Variants in SRFBP1 observed in about 807,000 individuals in gnomAD.
SRFBP1 encodes the protein serum response factor-binding protein 1.
Under a neutral mutation model 45.5 loss-of-function variants are expected in SRFBP1, and 47 were observed. That is an observed-to-expected ratio of 1.03 (90% CI 0.82 to 1.32). The LOEUF is 1.32. Ranked by LOEUF, SRFBP1 falls within the 40% of genes most tolerant of loss-of-function variation. The pLI is 0.00. For synonymous variants in SRFBP1, 203 were observed against 166.3 expected, an observed-to-expected ratio of 1.22 and a Z score of -1.70; for missense variants, 621 against 484.6, an observed-to-expected ratio of 1.28 and a Z score of -2.64.
chr5:122,005,189 T>C (rs1461759078), intron 4 of SRFBP1, among the ~76,000 whole-genome samples: 3 of 152,188 alleles, frequency 2.0e-5, no homozygotes, highest in Non-Finnish European at 1.5e-5. Context: ...ATTAACCTGA[T>C]GTTTCCTTAT....
chr5:122,021,743 C>T (rs1753327318), intron 6 of SRFBP1, among the ~76,000 whole-genome samples: 1 of 122,292 alleles, frequency 8.2e-6, no homozygotes, highest in Non-Finnish European at 1.6e-5. Flanking sequence ...GTGGTGTGAT[C>T]TTGGCTCACT....
intron 4 of SRFBP1, among the ~76,000 whole-genome samples, chr5:122,005,985 T>G (rs979512137): frequency 6.6e-6 from 1 of 152,200 alleles, no homozygotes; most frequent in Non-Finnish European, 1.5e-5. Flanking sequence ...CTATGTACTT[T>G]TAGCAGTGAG....
At chr5:121,970,534 G>A (rs1752166331) in intron 1 of SRFBP1, among the ~76,000 whole-genome samples, 1 of 151,546 alleles carries the variant, frequency 6.6e-6, no homozygotes, top group Non-Finnish European at 1.5e-5. Flanking sequence ...ATGCAACGTG[G>A]CCGTTCTTTT....
At chr5:121,979,625 G>A (rs1249489451) in intron 3 of SRFBP1, among the ~76,000 whole-genome samples, 1 of 152,122 alleles carries the variant, frequency 6.6e-6, no homozygotes, top group Non-Finnish European at 1.5e-5. Context: ...ACGTGTTAGA[G>A]ATCTCACCTA....
At chr5:122,058,254 G>A (rs1339928676) in intron 2 of SRFBP1, among the ~76,000 whole-genome samples, 1 of 152,078 alleles carries the variant, frequency 6.6e-6, no homozygotes, top group East Asian at 1.9e-4. Context: ...TTCTTCACAT[G>A]AGCACCATGT....
At chr5:121,991,165 A>C (rs1302901182) in intron 3 of SRFBP1, among the ~76,000 whole-genome samples, 2 of 152,096 alleles carry the variant, frequency 1.3e-5, no homozygotes, top group African/African-American at 4.8e-5. Flanking sequence ...TGTCTCCTCC[A>C]GTTTTAATTA....
chr5:122,038,484 T>G (rs749742611), intron 2 of SRFBP1, among the ~76,000 whole-genome samples: 2 of 152,194 alleles, frequency 1.3e-5, no homozygotes, highest in Non-Finnish European at 2.9e-5. Context: ...AGTGTTGGGC[T>G]GTGGGAATCA....
At chr5:122,003,722 G>A (rs1031938189) in intron 4 of SRFBP1, among the ~76,000 whole-genome samples, 1 of 152,060 alleles carries the variant, frequency 6.6e-6, no homozygotes, top group African/African-American at 2.4e-5. Context: ...TCCATCACTT[G>A]TTATCTTTAG....
chr5:122,050,857 A>G lies in SRFBP1; in HGVS notation n.312-24458A>G, dbSNP rs376892054. Among the ~76,000 whole-genome samples, 99 of 152,022 alleles carry G rather than the reference A, an allele frequency of 6.5e-4. 3 individuals are homozygous for G. In the South Asian group the frequency reaches 0.017, roughly 26 times the overall value. ...GTTGTAATGTTAGGTTGTTAATTTG[A>G]GATCTTTCTTACTTTTTAATGTGGG... On this transcript the variant is annotated intron_variant and non_coding_transcript_variant, in intron 2 of 2. Transcript: ENST00000504881.
intron 1 of SRFBP1, among the ~76,000 whole-genome samples, chr5:121,971,718 A>C (rs769938403): frequency 6.6e-5 from 10 of 152,042 alleles, no homozygotes; most frequent in Non-Finnish European, 1.5e-4. Flanking sequence ...TCAACTCTTA[A>C]CATTTTATGA....
intron 4 of SRFBP1, among the ~76,000 whole-genome samples, chr5:122,013,537 G>A (rs1428863699): frequency 1.3e-5 from 2 of 152,014 alleles, no homozygotes; most frequent in South Asian, 2.1e-4. Context: ...TTGCAAATAC[G>A]TGTGAAAGGA....
intron 3 of SRFBP1, among the ~76,000 whole-genome samples, chr5:121,981,990 G>A (rs983128074): frequency 2.6e-5 from 4 of 151,560 alleles, no homozygotes; most frequent in Non-Finnish European, 5.9e-5. Flanking sequence ...ATGTTGGCAC[G>A]TTTACAGTGT....
intron 3 of SRFBP1, among the ~76,000 whole-genome samples, chr5:121,990,582 G>GA (rs997965835): frequency 2.0e-5 from 3 of 151,842 alleles, no homozygotes; most frequent in African/African-American, 4.8e-5. Flanking sequence ...TAAAAGTTGG[G>GA]AAAAAAAGGA....
intron 2 of SRFBP1, among the ~76,000 whole-genome samples, chr5:122,062,272 A>C (rs1303936139): frequency 2.0e-5 from 3 of 151,960 alleles, no homozygotes; most frequent in Non-Finnish European, 2.9e-5. Flanking sequence ...TTGCTCTCCA[A>C]ATTAAAAAGG....
intron 4 of SRFBP1, among the ~76,000 whole-genome samples, chr5:122,012,141 C>A (rs902532487): frequency 6.6e-6 from 1 of 151,922 alleles, no homozygotes; most frequent in Non-Finnish European, 1.5e-5. Context: ...GAAATCAAGC[C>A]TAGAAGGTTA....
intron 2 of SRFBP1, among the ~76,000 whole-genome samples, chr5:122,044,826 A>C (rs1432689358): frequency 6.6e-6 from 1 of 151,492 alleles, no homozygotes; most frequent in Non-Finnish European, 1.5e-5. Flanking sequence ...TATTCTGTTG[A>C]TAGTTTCTTT....
At chr5:122,071,747 C>T (rs1488181324) in intron 2 of SRFBP1, among the ~76,000 whole-genome samples, 2 of 152,148 alleles carry the variant, frequency 1.3e-5, no homozygotes, top group Non-Finnish European at 2.9e-5. Context: ...ATTCTAGCAA[C>T]CAATATTGCT....
At chr5:121,988,060 G>C (rs1019252686) in intron 3 of SRFBP1, among the ~76,000 whole-genome samples, 4 of 152,224 alleles carry the variant, frequency 2.6e-5, no homozygotes, top group African/African-American at 9.6e-5. Context: ...ATCTAGCACT[G>C]TGTGGAATAA....
intron 4 of SRFBP1, among the ~76,000 whole-genome samples, chr5:122,007,431 G>A (rs895813654): frequency 3.9e-5 from 6 of 151,928 alleles, no homozygotes; most frequent in Admixed American, 6.6e-5. Context: ...GGTGCTGGTC[G>A]AAACTTAATA....
Sources: allele counts gnomAD v4.1 joint callset (sites outside exome capture counted in the v4.1 genomes callset), GRCh38; gene constraint gnomAD v4.1.1; transcripts MANE v1.5; gene names NCBI Gene and HGNC (gene_info 2026-07-23, HGNC 2026-07-21).